Variants in CHODL observed in about 807,000 individuals in gnomAD.
CHODL encodes transmembrane protein MT75.
A neutral mutation model predicts 34.5 loss-of-function variants in CHODL; 29 were observed. That is an observed-to-expected ratio of 0.84 (90% CI 0.63 to 1.15). CHODL has a LOEUF of 1.15. Among genes scored for constraint, CHODL ranks in the 50% most tolerant of loss-of-function variants. The pLI is 0.00. For missense variants in CHODL, 332 were observed against 332.5 expected, an observed-to-expected ratio of 1.00 and a Z score of 0.01; for synonymous variants, 125 against 116.1, an observed-to-expected ratio of 1.08 and a Z score of -0.49.
At chr21:17,923,972 A>G (rs1047364638) in intron 1 of CHODL, among the ~76,000 whole-genome samples, 14 of 152,180 alleles carry the variant, frequency 9.2e-5, no homozygotes, top group Admixed American at 3.3e-4. Flanking sequence ...TGTTGTTGAC[A>G]TGCTGTTCTT....
At chr21:17,926,026 CATA>C (rs1341116049) in intron 1 of CHODL, among the ~76,000 whole-genome samples, 2 of 152,110 alleles carry the variant, frequency 1.3e-5, no homozygotes, top group Admixed American at 1.3e-4. Flanking sequence ...TTCCAATAAG[CATA>C]ATGAGAACAT....
At position 18,054,895 on chromosome 21, in the gene CHODL, C is replaced by T. The variant is rs193202203; in HGVS notation, c.-45+26924C>T. On this transcript the variant is annotated intron_variant, in intron 2 of 6. Transcript: ENST00000400127. Reference sequence around the variant, plus strand: ...ACTTGCTATGTCCCCGATTTCTTAACGAATTAGGCAACAAGCCTCTGTTTT... The same window carrying T: ...ACTTGCTATGTCCCCGATTTCTTAATGAATTAGGCAACAAGCCTCTGTTTT... Among the ~76,000 whole-genome samples the T allele has an allele frequency of 2.0e-4, 31 of 152,098 alleles. No individual in the cohort carries two copies. The South Asian group carries it at 3.1e-3, about 15-fold the overall frequency.
chr21:18,135,049 T>C (rs147333419), intron 2 of CHODL, among the ~76,000 whole-genome samples: 4 of 152,372 alleles, frequency 2.6e-5, no homozygotes, highest in African/African-American at 9.6e-5. Context: ...TTGCTTTTTC[T>C]TGACTCACTT....
chr21:18,110,815 C>T (rs902197842), intron 2 of CHODL, among the ~76,000 whole-genome samples: 1 of 152,180 alleles, frequency 6.6e-6, no homozygotes, highest in African/African-American at 2.4e-5. Context: ...GCTCAAGATT[C>T]TCCCTGTCCA....
Position 18,079,620 on chromosome 21 carries a change from A to G in CHODL, c.-45+51649A>G, listed in dbSNP as rs946998014. Among the ~76,000 whole-genome samples the G allele has an allele frequency of 1.7e-4, 26 of 151,170 alleles. 1 individual carries two copies. The highest frequency in any genetic ancestry group is 3.0e-5 in the Non-Finnish European group (2 of 67,696). On this transcript the variant is annotated intron_variant, in intron 2 of 6. Transcript: ENST00000400127. Reference sequence around the variant, plus strand: ...TTATATATAATCACATATATATACCATATGTATATCACATTTTCTTTATAC... The same window carrying G: ...TTATATATAATCACATATATATACCGTATGTATATCACATTTTCTTTATAC...
At chr21:17,938,050 A>C (rs2063331678) in intron 1 of CHODL, among the ~76,000 whole-genome samples, 1 of 152,168 alleles carries the variant, frequency 6.6e-6, no homozygotes, top group African/African-American at 2.4e-5. Flanking sequence ...CTTTTCATTA[A>C]ATTTGTAATA....
chr21:18,257,041 A>T lies in CHODL; in HGVS notation c.461A>T (p.Asn154Ile). 6.2e-7 allele frequency: 1 copy of T among 1,614,042 alleles called. No individual in the cohort carries two copies. The highest frequency in any genetic ancestry group is 8.5e-7 in the Non-Finnish European group (1 of 1,179,942). Residue 154 changes from asparagine (N) to isoleucine (I), a missense_variant, in exon 3 of 6, where the codon AAT becomes ATT. Physicochemically the swap from Asn to Ile is moderately radical, Grantham distance 149. Transcript: ENST00000299295. ...GTGATGTATCACCAACCAACTGCCAATCCTGGCCTTGGGGGTCCCTACCTT... is the reference window on the plus strand; with the variant it reads ...GTGATGTATCACCAACCAACTGCCATTCCTGGCCTTGGGGGTCCCTACCTT... The part of the protein sequence containing the change: ...CVVMYHQPTA[N>I]PGLGGPYLYQ...
chr21:18,069,168 A>C (rs973988152), intron 2 of CHODL, among the ~76,000 whole-genome samples: 1 of 152,160 alleles, frequency 6.6e-6, no homozygotes, highest in African/African-American at 2.4e-5. Context: ...GGGAAACATA[A>C]TGAAATTTCA....
chr21:18,029,898 G>A (rs2064227129), intron 2 of CHODL, among the ~76,000 whole-genome samples: 1 of 152,124 alleles, frequency 6.6e-6, no homozygotes, highest in Non-Finnish European at 1.5e-5. Context: ...TAGCATTGCA[G>A]CCACATCATC....
intron 2 of CHODL, among the ~76,000 whole-genome samples, chr21:18,053,867 T>C (rs1323923947): frequency 6.6e-6 from 1 of 151,878 alleles, no homozygotes; most frequent in Non-Finnish European, 1.5e-5. Flanking sequence ...TATCTATATT[T>C]ATCTCTATTT....
chr21:17,927,771 A>G (rs1297947342), intron 1 of CHODL, among the ~76,000 whole-genome samples: 1 of 152,222 alleles, frequency 6.6e-6, no homozygotes, highest in African/African-American at 2.4e-5. Flanking sequence ...TGGACCATAG[A>G]GTTGGAGCAT....
At chr21:18,229,872 G>A (rs776208785) in intron 2 of CHODL, among the ~76,000 whole-genome samples, 1 of 152,040 alleles carries the variant, frequency 6.6e-6, no homozygotes, top group African/African-American at 2.4e-5. Flanking sequence ...CATGGAACAC[G>A]AAAGGATAAT....
upstream of CHODL, among the ~76,000 whole-genome samples, chr21:18,242,997 A>G (rs2074096276): frequency 6.6e-6 from 1 of 152,188 alleles, no homozygotes; most frequent in African/African-American, 2.4e-5. Context: ...AGCTCTGGGC[A>G]TGAGTAACTG....
At chr21:18,232,003 A>G (rs1039526660) in intron 2 of CHODL, among the ~76,000 whole-genome samples, 8 of 152,136 alleles carry the variant, frequency 5.3e-5, no homozygotes, top group East Asian at 3.9e-4. Flanking sequence ...GGCCTGGTCT[A>G]TGCGGAAATT....
intron 1 of CHODL, among the ~76,000 whole-genome samples, chr21:17,972,168 T>G (rs2063620334): frequency 6.6e-6 from 1 of 152,178 alleles, no homozygotes. Flanking sequence ...AAGAGCTATT[T>G]ATGACAAACC....
chr21:18,078,904 A>T (rs2064900216), intron 2 of CHODL, among the ~76,000 whole-genome samples: 1 of 152,202 alleles, frequency 6.6e-6, no homozygotes, highest in African/African-American at 2.4e-5. Context: ...GCTAACATGA[A>T]TCAGACACAA....
chr21:18,044,844 G>A, intron 2 of CHODL, among the ~76,000 whole-genome samples: 1 of 151,866 alleles, frequency 6.6e-6, no homozygotes. Context: ...TCACAGAGTT[G>A]TAAGGGCTTA....
At chr21:17,963,800 A>G (rs982823442) in intron 1 of CHODL, among the ~76,000 whole-genome samples, 2 of 152,050 alleles carry the variant, frequency 1.3e-5, no homozygotes, top group African/African-American at 4.8e-5. Context: ...AAGGCATGCC[A>G]TGATTCTCCT....
rs113143865 is a variant in CHODL at position 17,946,213 on chromosome 21, T to C, written c.-145+28813T>C. Among the ~76,000 whole-genome samples, 1,196 of 152,238 alleles carry C rather than the reference T, an allele frequency of 7.9e-3. 19 individuals carry two copies. Among genetic ancestry groups the C allele is most frequent in the African/African-American group, 0.027 (1,116 of 41,542 alleles). On this transcript the variant is annotated intron_variant, in intron 1 of 6. Transcript: ENST00000400127. ...CGGGCGGATCACGAGGGCAGGAGAT[T>C]GAGACCATCCTGGCTAACATGGTGA...
Sources: allele counts gnomAD v4.1 joint callset (sites outside exome capture counted in the v4.1 genomes callset), GRCh38; gene constraint gnomAD v4.1.1; transcripts MANE v1.5; gene names NCBI Gene and HGNC (gene_info 2026-07-23, HGNC 2026-07-21).